The following RELN variants were observed in gnomAD, a reference collection of about 807,000 sequenced individuals.
The protein encoded by RELN is reelin.
In RELN, 108 loss-of-function variants were observed where a neutral mutation model predicts 427.6. The ratio of observed to expected loss-of-function variants is 0.25; its 90% CI spans 0.22 to 0.30. The LOEUF is 0.30. Among genes scored for constraint, RELN ranks in the 10% least tolerant of loss-of-function variants. The pLI, the probability that RELN is intolerant of heterozygous loss-of-function variation, is 1.00. For missense variants in RELN, 3,715 were observed against 4,302.8 expected, an observed-to-expected ratio of 0.86 and a Z score of 3.82; for synonymous variants, 1,524 against 1,513.4, an observed-to-expected ratio of 1.01 and a Z score of -0.16.
At chr7:103,838,562 G>A (rs1163120957) in intron 2 of RELN, among the ~76,000 whole-genome samples, 1 of 152,136 alleles carries the variant, frequency 6.6e-6, no homozygotes, top group Admixed American at 6.5e-5. Flanking sequence ...TGCCCAAGGA[G>A]ACTCAATAGC....
chr7:103,845,344 G>A (rs968599127), intron 2 of RELN, among the ~76,000 whole-genome samples: 1 of 152,094 alleles, frequency 6.6e-6, no homozygotes, highest in African/African-American at 2.4e-5. Flanking sequence ...ACCACGCCTG[G>A]CTAATTTTTG....
chr7:103,656,502 G>A (rs548038019), intron 12 of RELN, among the ~76,000 whole-genome samples: 6 of 152,210 alleles, frequency 3.9e-5, no homozygotes, highest in African/African-American at 1.4e-4. Flanking sequence ...CCATTGGTGT[G>A]CTCCTAGAAC....
intron 3 of RELN, among the ~76,000 whole-genome samples, chr7:103,784,591 C>T (rs527642640): frequency 7.9e-5 from 12 of 152,076 alleles, no homozygotes; most frequent in East Asian, 1.9e-4. Flanking sequence ...TTATGAATAA[C>T]GGCAAAAAGG....
intron 2 of RELN, among the ~76,000 whole-genome samples, chr7:103,891,006 T>C (rs1794837297): frequency 6.6e-6 from 1 of 152,094 alleles, no homozygotes; most frequent in South Asian, 2.1e-4. Flanking sequence ...CGCTTGAATC[T>C]GGGAGGCAGA....
chr7:103,817,640 A>G (rs1358136067), intron 3 of RELN, among the ~76,000 whole-genome samples: 1 of 152,162 alleles, frequency 6.6e-6, no homozygotes, highest in African/African-American at 2.4e-5. Flanking sequence ...TTACTTTCCC[A>G]GTGAAAACTA....
At chr7:103,500,676 T>A in intron 53 of RELN, 69 bp downstream of exon 53, 1 of 1,491,224 alleles carries the variant, frequency 6.7e-7, no homozygotes, top group Non-Finnish European at 9.3e-7. Context: ...TTATGTCTCA[T>A]ACATAAGTTG....
At chr7:103,699,272 T>C (rs1834041425) in intron 9 of RELN, among the ~76,000 whole-genome samples, 1 of 152,170 alleles carries the variant, frequency 6.6e-6, no homozygotes, top group Non-Finnish European at 1.5e-5. Context: ...GAAGCACATA[T>C]ATATCCGTAA....
At chr7:103,514,711 A>C (rs1829516665) in intron 50 of RELN, among the ~76,000 whole-genome samples, 1 of 152,174 alleles carries the variant, frequency 6.6e-6, no homozygotes, top group Non-Finnish European at 1.5e-5. Flanking sequence ...ATATCATTGA[A>C]TACCCCTATA....
At chr7:103,517,982 G>A (rs572387536) in intron 49 of RELN, among the ~76,000 whole-genome samples, 2 of 152,246 alleles carry the variant, frequency 1.3e-5, no homozygotes, top group African/African-American at 2.4e-5. Context: ...CACCCTTCTC[G>A]CCCCAATCTC....
At chr7:103,730,497 AC>A (rs911796992) in intron 6 of RELN, among the ~76,000 whole-genome samples, 1 of 151,906 alleles carries the variant, frequency 6.6e-6, no homozygotes, top group Non-Finnish European at 1.5e-5. Context: ...AAAAAAAAAA[AC>A]AATAAACACA....
At chr7:103,562,009 A>G in intron 34 of RELN, 56 bp from the exon 35 acceptor site, 1 of 1,572,696 alleles carries the variant, frequency 6.4e-7, no homozygotes. Flanking sequence ...CAACCTTGAA[A>G]GCACAAGGAC....
At chr7:103,793,708 G>T (rs1792223787) in intron 3 of RELN, among the ~76,000 whole-genome samples, 1 of 152,198 alleles carries the variant, frequency 6.6e-6, no homozygotes, top group South Asian at 2.1e-4. Flanking sequence ...CAAGAGATGG[G>T]AAAGGACAGT....
Position 103,539,094 on chromosome 7 carries a change from G to C in RELN, c.7164C>G (p.Val2388=). The stretch of plus-strand genomic sequence containing the variant: ...CATACTCACCATAACAAGAGTCTGT[G>C]ACTGAGCAGGAGGCAGCGAAGTCTA... ...LQIDFAASCS[V]TDSCYAIELE... is the part of the protein sequence containing the mutation. Residue 2388 remains valine, a synonymous_variant, in exon 45 of 65, where the codon GTC becomes GTG. Coordinates refer to ENST00000428762, the MANE Select transcript of RELN (RefSeq NM_005045.4). 21 of 1,614,128 alleles carry C rather than the reference G, an allele frequency of 1.3e-5. No individual in the cohort carries two copies. The highest frequency in any genetic ancestry group is 1.8e-5 in the Non-Finnish European group (21 of 1,180,014).
At chr7:103,728,079 T>C in intron 7 of RELN, 32 bp downstream of exon 7, 1 of 1,601,920 alleles carries the variant, frequency 6.2e-7, no homozygotes, top group Non-Finnish European at 8.6e-7. Context: ...AATACTATAA[T>C]GGAATAATGT....
intron 3 of RELN, among the ~76,000 whole-genome samples, chr7:103,805,674 T>C (rs936535001): frequency 2.6e-5 from 4 of 152,334 alleles, no homozygotes; most frequent in East Asian, 1.9e-4. Context: ...ATGTGCAAGA[T>C]TGTTCACATT....
chr7:103,496,867 A>C, intron 55 of RELN, 99 bp from the exon 56 acceptor site: 1 of 1,399,336 alleles, frequency 7.1e-7, no homozygotes, highest in Non-Finnish European at 1.0e-6. Context: ...TCCCAAAGAA[A>C]TTTTCAGCCA....
intron 48 of RELN, among the ~76,000 whole-genome samples, chr7:103,519,823 C>T (rs868394007): frequency 2.0e-5 from 3 of 152,108 alleles, no homozygotes; most frequent in Non-Finnish European, 4.4e-5. Flanking sequence ...ATCTGCCTGC[C>T]TCGGCCTCCC....
Position 103,824,504 on chromosome 7 carries a change from T to C in RELN, c.473+9033A>G, listed in dbSNP as rs1169761894. Among the ~76,000 whole-genome samples, 1 of 152,084 alleles carries C rather than the reference T, an allele frequency of 6.6e-6. No homozygotes were observed. The highest frequency in any genetic ancestry group is 1.5e-5 in the Non-Finnish European group (1 of 67,990). On this transcript the variant is annotated intron_variant, in intron 3 of 64. Transcript: ENST00000428762. The surrounding 1 kb of genome is among the most constrained non-coding windows in gnomAD (Gnocchi z 4.4). ...CCCATATAGGTTAAAACTCCAGATC[T>C]AGGACCTAAATCAGGTTTAAGAGAC...
chr7:103,526,382 T>C (rs1400358222), intron 46 of RELN, among the ~76,000 whole-genome samples: 1 of 152,122 alleles, frequency 6.6e-6, no homozygotes, highest in African/African-American at 2.4e-5. Flanking sequence ...CAAAGATAAG[T>C]GAGGGCTTTC....
Sources: gnomAD v4.1 joint callset for allele counts (sites outside exome capture counted in the v4.1 genomes callset) on GRCh38, gnomAD v4.1.1 for gene constraint, Gnocchi (gnomAD v3.1) non-coding constraint, MANE v1.5 for transcripts, NCBI Gene and HGNC (gene_info 2026-07-23, HGNC 2026-07-21) for gene names.